The following OR2L13 variants were observed in gnomAD, a reference collection of about 807,000 sequenced individuals.
The protein encoded by OR2L13 is olfactory receptor 2L13.
A neutral mutation model predicts 15.3 loss-of-function variants in OR2L13; 14 were observed. That is an observed-to-expected ratio of 0.91 (90% CI 0.60 to 1.43). The LOEUF is 1.43. Ranked by LOEUF, OR2L13 falls within the 40% of genes most tolerant of loss-of-function variation. The pLI is 0.00. For missense variants in OR2L13, 367 were observed against 387.9 expected, an observed-to-expected ratio of 0.95 and a Z score of 0.45; for synonymous variants, 152 against 142.9, an observed-to-expected ratio of 1.06 and a Z score of -0.45.
At chr1:248,027,556 C>T in the OR2L13 span, among the ~76,000 whole-genome samples, 1 of 152,106 alleles carries the variant, frequency 6.6e-6, no homozygotes, top group Admixed American at 6.6e-5. Flanking sequence ...CCCCCGGACA[C>T]CCAGCTTTAA....
the OR2L13 span, among the ~76,000 whole-genome samples, chr1:248,072,046 T>C: frequency 6.6e-6 from 1 of 151,344 alleles, no homozygotes; most frequent in Non-Finnish European, 1.5e-5. Flanking sequence ...AAAATGGCCA[T>C]ACTGCCCAAG....
the OR2L13 span, among the ~76,000 whole-genome samples, chr1:247,980,423 G>T: frequency 1.3e-5 from 2 of 152,166 alleles, no homozygotes; most frequent in Admixed American, 6.5e-5. Flanking sequence ...AATTGGGAAA[G>T]AAATTAATAT....
At chr1:248,027,655 G>T in the OR2L13 span, among the ~76,000 whole-genome samples, 1 of 152,116 alleles carries the variant, frequency 6.6e-6, no homozygotes, top group Non-Finnish European at 1.5e-5. Context: ...AATATTGGGG[G>T]CTGAATTTCC....
exon 3 of OR2L13, chr1:248,099,712 C>G (rs1344170250): frequency 6.2e-7 from 1 of 1,614,014 alleles, no homozygotes; most frequent in Non-Finnish European, 8.5e-7. Flanking sequence ...TGAAGGCTTA[C>G]TCCTGACCTC....
the OR2L13 span, chr1:248,023,137 T>C: frequency 1.4e-4 from 47 of 327,376 alleles, no homozygotes; most frequent in Admixed American, 9.4e-4. Context: ...AATTTCATTA[T>C]CATGTATAAA....
At chr1:248,091,882 C>A (rs913838432), upstream of OR2L13, among the ~76,000 whole-genome samples, 2 of 152,046 alleles carry the variant, frequency 1.3e-5, no homozygotes, top group Non-Finnish European at 2.9e-5. Context: ...TTGCTTTGGG[C>A]AGTATGGCCA....
the OR2L13 span, among the ~76,000 whole-genome samples, chr1:247,941,443 GC>G: frequency 9.9e-5 from 15 of 152,234 alleles, 1 homozygote; most frequent in South Asian, 3.1e-3. Context: ...GCATTACCAT[GC>G]CCCTCATTTA....
chr1:248,022,208 A>C, the OR2L13 span: 17 of 1,614,030 alleles, frequency 1.1e-5, no homozygotes, highest in African/African-American at 1.3e-5. Flanking sequence ...TTCTGTATGG[A>C]AACAAGTCTA....
chr1:247,974,631 C>T, the OR2L13 span: 1 of 174,672 alleles, frequency 5.7e-6, no homozygotes, highest in African/African-American at 2.4e-5. Flanking sequence ...TCAATATTAT[C>T]CTCAGTTTCA....
exon 3 of OR2L13, chr1:248,100,301 T>C: frequency 6.3e-7 from 1 of 1,595,944 alleles, no homozygotes; most frequent in Non-Finnish European, 8.6e-7. Flanking sequence ...ATATTCTCTT[T>C]CCTGAAAGAA....
chr1:248,000,853 ATAAT>A, the OR2L13 span, among the ~76,000 whole-genome samples: 1 of 152,062 alleles, frequency 6.6e-6, no homozygotes, highest in African/African-American at 2.4e-5. Context: ...AATTATTAAA[ATAAT>A]TCTACTTGTT....
the OR2L13 span, chr1:247,991,140 G>A: frequency 6.2e-7 from 1 of 1,606,468 alleles, no homozygotes; most frequent in South Asian, 1.1e-5. Context: ...TCTACAGCCT[G>A]AGAAACAAGG....
At chr1:247,943,070 C>G in the OR2L13 span, among the ~76,000 whole-genome samples, 1,961 of 152,246 alleles carry the variant, frequency 0.013, 33 homozygotes, top group African/African-American at 0.043. Flanking sequence ...CTTTTTAAAA[C>G]TATATATACA....
chr1:247,954,725 C>A, the OR2L13 span, among the ~76,000 whole-genome samples: 1 of 151,544 alleles, frequency 6.6e-6, no homozygotes, highest in Non-Finnish European at 1.5e-5. Context: ...TTCTGCATAA[C>A]AAGATAAGGA....
At chr1:247,949,423 T>A in the OR2L13 span, 1 of 1,613,546 alleles carries the variant, frequency 6.2e-7, no homozygotes, top group South Asian at 1.1e-5. Context: ...CTGGCCTGCA[T>A]GGACACCTGG....
the OR2L13 span, among the ~76,000 whole-genome samples, chr1:248,044,809 CAAAAAAAAAA>C: frequency 4.9e-4 from 4 of 8,128 alleles, no homozygotes; most frequent in South Asian, 0.015. Flanking sequence ...AACTCCGTCT[CAAAAAAAAAA>C]AAAAAAAAAA....
At chr1:248,036,934 A>G in the OR2L13 span, among the ~76,000 whole-genome samples, 4 of 152,202 alleles carry the variant, frequency 2.6e-5, no homozygotes, top group Non-Finnish European at 5.9e-5. Context: ...CCTAAAGTCT[A>G]TGTAATCTAA....
At chr1:248,036,303 C>T in the OR2L13 span, among the ~76,000 whole-genome samples, 144 of 152,060 alleles carry the variant, frequency 9.5e-4, no homozygotes, top group African/African-American at 3.0e-3. Flanking sequence ...TCATTTAATG[C>T]GGTATCAATT....
chr1:247,968,080 G>T, the OR2L13 span, among the ~76,000 whole-genome samples: 3 of 152,002 alleles, frequency 2.0e-5, no homozygotes, highest in African/African-American at 7.2e-5. Flanking sequence ...AGGAACAAAC[G>T]TTTGTGTGTA....
Sources: allele counts gnomAD v4.1 joint callset (sites outside exome capture counted in the v4.1 genomes callset), GRCh38; gene constraint gnomAD v4.1.1; transcripts MANE v1.5; gene names NCBI Gene and HGNC (gene_info 2026-07-23, HGNC 2026-07-21).